The following TAFA2 variants were observed in gnomAD, a reference collection of about 807,000 sequenced individuals.
TAFA2 encodes TAFA chemokine like family member 2.
A neutral mutation model predicts 18.8 loss-of-function variants in TAFA2; 7 were observed. That is an observed-to-expected ratio of 0.37 (90% confidence interval 0.21 to 0.70). The LOEUF (loss-of-function observed/expected upper bound fraction) is 0.70. TAFA2 is among the 30% of genes least tolerant of loss of function. The pLI, the probability that TAFA2 is intolerant of heterozygous loss-of-function variation, is 0.53. For missense variants in TAFA2, 122 were observed against 158.1 expected, an observed-to-expected ratio of 0.77 and a Z score of 1.23; for synonymous variants, 60 against 54.2, an observed-to-expected ratio of 1.11 and a Z score of -0.47.
At chr12:62,242,786 A>G (rs1162853514) in intron 1 of TAFA2, among the ~76,000 whole-genome samples, 1 of 152,258 alleles carries the variant, frequency 6.6e-6, no homozygotes, top group Admixed American at 6.5e-5. Context: ...ATAGTCTATA[A>G]GGGTTAAAAA....
chr12:62,011,024 C>T lies in TAFA2; in HGVS notation c.-1-143598G>A, dbSNP rs542725867. Among the ~76,000 whole-genome samples, 66 of 145,952 alleles carry T rather than the reference C, an allele frequency of 4.5e-4. 6 individuals are homozygous for T. The highest frequency in any genetic ancestry group is 1.5e-3 in the African/African-American group (60 of 38,950). On this transcript the variant is annotated intron_variant, in intron 1 of 4. Coordinates refer to ENST00000416284, the MANE Select transcript of TAFA2 (RefSeq NM_178539.5). Reference sequence around the variant, plus strand: ...CTGGGAAGTGGGGGGCGCCTCTGCCCGGCCACCCCATCTGGGAGGTGGGGG... The same window carrying T: ...CTGGGAAGTGGGGGGCGCCTCTGCCTGGCCACCCCATCTGGGAGGTGGGGG...
chr12:62,082,421 ATTTT>A (rs761643995), intron 1 of TAFA2, among the ~76,000 whole-genome samples: 3 of 152,080 alleles, frequency 2.0e-5, no homozygotes, highest in Non-Finnish European at 4.4e-5. Context: ...GTAAGCAGCT[ATTTT>A]TTTAAGGTGT....
intron 1 of TAFA2, among the ~76,000 whole-genome samples, chr12:61,881,021 AAG>A (rs1354703158): frequency 6.6e-6 from 1 of 152,194 alleles, no homozygotes; most frequent in Non-Finnish European, 1.5e-5. Context: ...AAAAAGAAAA[AAG>A]AGTTTGATAA....
At chr12:62,195,723 C>T (rs1041261995), upstream of TAFA2, among the ~76,000 whole-genome samples, 2 of 152,148 alleles carry the variant, frequency 1.3e-5, no homozygotes, top group Admixed American at 1.3e-4. Context: ...AAATGTGCTG[C>T]TATCAGGCTT....
At chr12:61,718,749 A>T (rs1206461506) in intron 4 of TAFA2, among the ~76,000 whole-genome samples, 4 of 152,176 alleles carry the variant, frequency 2.6e-5, no homozygotes, top group East Asian at 1.9e-4. Context: ...TTTTTAGACT[A>T]GGCTTTCATT....
At chr12:62,100,505 T>C (rs532534547) in intron 1 of TAFA2, among the ~76,000 whole-genome samples, 3 of 152,288 alleles carry the variant, frequency 2.0e-5, no homozygotes, top group Admixed American at 2.0e-4. Flanking sequence ...AAATATAGAC[T>C]CCAGCAATGA....
At chr12:61,821,077 T>C (rs1313344311) in intron 2 of TAFA2, among the ~76,000 whole-genome samples, 2 of 151,552 alleles carry the variant, frequency 1.3e-5, no homozygotes, top group African/African-American at 4.8e-5. Flanking sequence ...TCCTTTTTAC[T>C]CTTTTCTAAA....
rs551580757 is a variant in TAFA2 at position 62,165,496 on chromosome 12, A to G, written c.-2+25763T>C. Among the ~76,000 whole-genome samples the G allele has an allele frequency of 4.6e-5, 7 of 152,234 alleles. No homozygotes were observed. The South Asian group carries it at 1.5e-3, about 32-fold the overall frequency. On this transcript the variant is annotated intron_variant, in intron 1 of 4. Coordinates refer to ENST00000416284, the MANE Select transcript of TAFA2 (RefSeq NM_178539.5). The stretch of plus-strand genomic sequence containing the variant: ...TCCTGAAATTTAGCCACAAATTTCC[A>G]GTTTCCTATTGGATGTTACTACCTA...
At chr12:62,136,002 G>A (rs757215598) in intron 1 of TAFA2, 7 of 152,058 alleles carry the variant, frequency 4.6e-5, no homozygotes, top group Non-Finnish European at 1.0e-4. Context: ...GCATCATGAT[G>A]AATGCTGATG....
chr12:61,788,281 C>A (rs537518981), intron 2 of TAFA2, among the ~76,000 whole-genome samples: 2 of 151,676 alleles, frequency 1.3e-5, no homozygotes, highest in Non-Finnish European at 3.0e-5. Flanking sequence ...CCCTATTCAG[C>A]AATGGATGGG....
At chr12:61,936,343 G>C (rs1409443144) in intron 1 of TAFA2, among the ~76,000 whole-genome samples, 3 of 152,226 alleles carry the variant, frequency 2.0e-5, no homozygotes, top group South Asian at 2.1e-4. Flanking sequence ...GAGGTGGGTG[G>C]ATCACCTGAG....
At chr12:61,923,047 T>A (rs1877124443) in intron 1 of TAFA2, among the ~76,000 whole-genome samples, 1 of 152,094 alleles carries the variant, frequency 6.6e-6, no homozygotes, top group African/African-American at 2.4e-5. Flanking sequence ...TTCTTTAGAT[T>A]CCTCCTCTCT....
At chr12:61,855,653 A>G (rs12809540) in intron 2 of TAFA2, among the ~76,000 whole-genome samples, 44,174 of 152,004 alleles carry the variant, frequency 0.29, 7,014 homozygotes, top group South Asian at 0.4. Context: ...AAAAATAAAT[A>G]TATATTTTTA....
At chr12:61,968,228 C>G (rs1482282040) in intron 1 of TAFA2, among the ~76,000 whole-genome samples, 1 of 151,626 alleles carries the variant, frequency 6.6e-6, no homozygotes, top group Non-Finnish European at 1.5e-5. Context: ...ATTTCTGGGC[C>G]TTTTGTCATG....
intron 1 of TAFA2, among the ~76,000 whole-genome samples, chr12:61,910,189 A>G (rs1232297856): frequency 6.6e-6 from 1 of 151,780 alleles, no homozygotes; most frequent in African/African-American, 2.4e-5. Flanking sequence ...TCAGCTACTC[A>G]GGACACAGGC....
chr12:62,231,194 GTTTGCTTTATATA>G (rs1398140528), intron 1 of TAFA2, among the ~76,000 whole-genome samples: 1 of 151,934 alleles, frequency 6.6e-6, no homozygotes, highest in East Asian at 1.9e-4. Flanking sequence ...ATCTATTAAT[GTTTGCTTTATATA>G]TTTGCTTTAT....
intron 1 of TAFA2, among the ~76,000 whole-genome samples, chr12:62,172,194 G>A (rs1468471867): frequency 6.6e-6 from 1 of 151,966 alleles, no homozygotes; most frequent in East Asian, 1.9e-4. Context: ...TATAGGTTTA[G>A]GATATAAAAA....
chr12:62,215,957 T>C (rs188329275), intron 1 of TAFA2, among the ~76,000 whole-genome samples: 64 of 152,252 alleles, frequency 4.2e-4, no homozygotes, highest in Admixed American at 1.8e-3. Flanking sequence ...AGATGGGGTT[T>C]CTAGAGACCC....
chr12:61,758,575 T>A (rs147184900), intron 2 of TAFA2, among the ~76,000 whole-genome samples: 2 of 152,058 alleles, frequency 1.3e-5, no homozygotes, highest in African/African-American at 4.8e-5. Flanking sequence ...CCTGATTTCA[T>A]CTATTTTTCC....
Sources: allele counts gnomAD v4.1 joint callset (sites outside exome capture counted in the v4.1 genomes callset), GRCh38; gene constraint gnomAD v4.1.1; transcripts MANE v1.5; gene names NCBI Gene and HGNC (gene_info 2026-07-23, HGNC 2026-07-21).